RAB28: variants seen among roughly 807,000 people sequenced by gnomAD.
The protein encoded by RAB28 is RAB28, member RAS oncogene family, also known as ras-related protein Rab-28.
Under a neutral mutation model 31.7 loss-of-function variants are expected in RAB28, and 24 were observed. That is an observed-to-expected ratio of 0.76 (90% CI 0.55 to 1.06). The LOEUF (loss-of-function observed/expected upper bound fraction) is 1.06. Among genes scored for constraint, RAB28 ranks in the 50% least tolerant of loss-of-function variants. The probability of loss-of-function intolerance (pLI) is 0.00; values close to 1 mark genes in which losing one functional copy is unlikely to be tolerated. For synonymous variants in RAB28, 100 were observed against 90.4 expected (o/e 1.11, Z -0.60); for missense variants, 254 against 258.5 (o/e 0.98, Z 0.12).
At chr4:13,388,735 T>C (rs1729495521) in intron 4 of RAB28, among the ~76,000 whole-genome samples, 1 of 151,816 alleles carries the variant, frequency 6.6e-6, no homozygotes, top group Non-Finnish European at 1.5e-5. Context: ...AGATAACACA[T>C]CATCAGAGAA....
intron 4 of RAB28, among the ~76,000 whole-genome samples, chr4:13,451,844 G>A (rs1335531826): frequency 6.6e-6 from 1 of 151,784 alleles, no homozygotes; most frequent in African/African-American, 2.4e-5. Flanking sequence ...ATTGAAGAGA[G>A]TGTCCTTTCC....
chr4:13,479,280 T>C (rs931190827), intron 2 of RAB28, 150 bp downstream of exon 2: 2 of 596,800 alleles, frequency 3.4e-6, no homozygotes. Context: ...TGATAGATTG[T>C]GATGAAAGTT....
At position 13,381,610 on chromosome 4, in the gene RAB28, A is replaced by G. The variant is rs778361616; in HGVS notation, c.392-16T>C. On this transcript the variant is annotated splice_polypyrimidine_tract_variant and intron_variant, in intron 4 of 6. Transcript: ENST00000330852. ...TCCAAATCAACTAGAAAGGTGTTAAAGAAAGAAAATAATTCAATATTAGAG... is the reference window on the plus strand; with the variant it reads ...TCCAAATCAACTAGAAAGGTGTTAAGGAAAGAAAATAATTCAATATTAGAG... The G allele has an allele frequency of 6.4e-7, 1 of 1,574,558 alleles. No individual in the cohort carries two copies. The highest frequency in any genetic ancestry group is 8.7e-7 in the Non-Finnish European group (1 of 1,150,570).
chr4:13,428,568 T>A (rs1308694476), intron 4 of RAB28, among the ~76,000 whole-genome samples: 1 of 152,162 alleles, frequency 6.6e-6, no homozygotes, highest in East Asian at 1.9e-4. Flanking sequence ...GATTCTAGAA[T>A]GCAGATGAAA....
intron 4 of RAB28, among the ~76,000 whole-genome samples, chr4:13,432,805 A>C (rs1437365513): frequency 6.6e-6 from 1 of 152,172 alleles, no homozygotes; most frequent in East Asian, 1.9e-4. Context: ...CATAGAAACC[A>C]AAGAACAATA....
chr4:13,403,259 G>A (rs1462050183), intron 4 of RAB28, among the ~76,000 whole-genome samples: 9 of 152,028 alleles, frequency 5.9e-5, no homozygotes, highest in Non-Finnish European at 8.8e-5. Flanking sequence ...TAAATTACAC[G>A]TTTTGTTTAC....
At chr4:13,415,578 C>A (rs913958225) in intron 4 of RAB28, among the ~76,000 whole-genome samples, 2 of 152,280 alleles carry the variant, frequency 1.3e-5, no homozygotes, top group Middle Eastern at 3.4e-3. Context: ...CCCAGCAGTG[C>A]CGGCCCACTG....
intron 1 of RAB28, among the ~76,000 whole-genome samples, chr4:13,481,887 G>T (rs925178236): frequency 2.6e-5 from 4 of 152,012 alleles, no homozygotes; most frequent in African/African-American, 9.7e-5. Context: ...ATGAAAGAGA[G>T]GCTGAGTTCA....
At chr4:13,447,456 T>C (rs1714755091) in intron 4 of RAB28, among the ~76,000 whole-genome samples, 1 of 152,050 alleles carries the variant, frequency 6.6e-6, no homozygotes, top group African/African-American at 2.4e-5. Flanking sequence ...GGATAATAAA[T>C]TTCTGTTATA....
At chr4:13,449,861 A>T (rs1262828414) in intron 4 of RAB28, among the ~76,000 whole-genome samples, 1 of 151,840 alleles carries the variant, frequency 6.6e-6, no homozygotes. Flanking sequence ...GGCAGCTTCT[A>T]TGTAACCCCT....
At chr4:13,460,606 G>A in intron 4 of RAB28, 93 bp downstream of exon 4, 9 of 1,491,386 alleles carry the variant, frequency 6.0e-6, no homozygotes, top group Non-Finnish European at 8.3e-6. Flanking sequence ...TTAGGTCTTT[G>A]ACATATAAAT....
chr4:13,428,944 CTT>C (rs35547595), intron 4 of RAB28, among the ~76,000 whole-genome samples: 17 of 133,488 alleles, frequency 1.3e-4, no homozygotes, highest in Non-Finnish European at 9.6e-5. Context: ...TCTAATTTCA[CTT>C]TTTTTTTTTT....
At chr4:13,432,099 G>C (rs1005253279) in intron 4 of RAB28, among the ~76,000 whole-genome samples, 1 of 152,038 alleles carries the variant, frequency 6.6e-6, no homozygotes, top group Non-Finnish European at 1.5e-5. Flanking sequence ...AAAAAACCAA[G>C]TGGAACCTCT....
intron 6 of RAB28, chr4:13,370,157 A>G (rs1728667285): frequency 1.0e-6 from 1 of 980,008 alleles, no homozygotes; most frequent in Non-Finnish European, 1.2e-6. Context: ...ATACAAAAGG[A>G]AAGAAAAGGA....
intron 4 of RAB28, among the ~76,000 whole-genome samples, chr4:13,428,605 G>T (rs1713638754): frequency 6.6e-6 from 1 of 152,160 alleles, no homozygotes; most frequent in African/African-American, 2.4e-5. Context: ...AGATAGATCG[G>T]TTGAGATTAT....
At chr4:13,396,947 A>G (rs1443877553) in intron 4 of RAB28, among the ~76,000 whole-genome samples, 2 of 152,138 alleles carry the variant, frequency 1.3e-5, no homozygotes, top group South Asian at 2.1e-4. Flanking sequence ...CTTTTAGCCT[A>G]TACTTATTTG....
chr4:13,457,872 A>G (rs1261817141), intron 4 of RAB28, among the ~76,000 whole-genome samples: 1 of 152,150 alleles, frequency 6.6e-6, no homozygotes, highest in East Asian at 1.9e-4. Context: ...AGTGGTAGTT[A>G]GATTATATCC....
At chr4:13,439,550 T>C (rs1714305562) in intron 4 of RAB28, among the ~76,000 whole-genome samples, 1 of 152,170 alleles carries the variant, frequency 6.6e-6, no homozygotes, top group Admixed American at 6.5e-5. Context: ...TTTCACCATG[T>C]TGGCCAGACT....
At chr4:13,476,019 T>A (rs1047070507) in intron 2 of RAB28, among the ~76,000 whole-genome samples, 1 of 151,544 alleles carries the variant, frequency 6.6e-6, no homozygotes, top group Non-Finnish European at 1.5e-5. Flanking sequence ...TTAACAATAC[T>A]AACTTTTACA....
Sources: gnomAD v4.1 joint callset for allele counts (sites outside exome capture counted in the v4.1 genomes callset) on GRCh38, gnomAD v4.1.1 for gene constraint, MANE v1.5 for transcripts, NCBI Gene and HGNC (gene_info 2026-07-23, HGNC 2026-07-21) for gene names.